WDR45B: variants seen among roughly 807,000 people sequenced by gnomAD.
WDR45B encodes WD repeat domain 45B.
In WDR45B, 20 loss-of-function variants were observed where a neutral mutation model predicts 44.6. The ratio of observed to expected loss-of-function variants is 0.45; its 90% confidence interval spans 0.32 to 0.65. WDR45B has a LOEUF of 0.65. Ranked by LOEUF, WDR45B falls within the 30% of genes least tolerant of loss-of-function variation. WDR45B has a pLI of 0.05. For synonymous variants in WDR45B, 169 were observed against 164.9 expected (o/e 1.02, Z -0.19); for missense variants, 323 against 430.2 (o/e 0.75, Z 2.20).
chr17:82,647,027 G>A (rs1297793872), intron 1 of WDR45B, among the ~76,000 whole-genome samples: 3 of 152,094 alleles, frequency 2.0e-5, no homozygotes, highest in Non-Finnish European at 4.4e-5. Context: ...AGGTCAGATT[G>A]AGACCAGCCT....
intron 2 of WDR45B, among the ~76,000 whole-genome samples, chr17:82,640,462 T>C (rs920151140): frequency 3.9e-5 from 6 of 151,994 alleles, no homozygotes; most frequent in Admixed American, 3.9e-4. Flanking sequence ...GCAATTCTCC[T>C]GCCTCAGCCT....
chr17:82,627,161 A>G (rs1221463038), intron 4 of WDR45B, 43 bp downstream of exon 4: 2 of 1,456,050 alleles, frequency 1.4e-6, no homozygotes, highest in Non-Finnish European at 1.9e-6. Flanking sequence ...ATCTTTTGAG[A>G]AAGTGAAATA....
intron 5 of WDR45B, among the ~76,000 whole-genome samples, chr17:82,624,551 C>T (rs1182010830): frequency 3.9e-5 from 6 of 151,958 alleles, no homozygotes; most frequent in South Asian, 2.1e-4. Flanking sequence ...TGAGCCACTG[C>T]GCCCGGCCGA....
chr17:82,625,100 C>T (rs1388942574), intron 5 of WDR45B, among the ~76,000 whole-genome samples: 3 of 152,108 alleles, frequency 2.0e-5, no homozygotes, highest in East Asian at 1.9e-4. Flanking sequence ...CAGTGGCTCC[C>T]GAAGTGGTGA....
At chr17:82,629,574 C>G in intron 3 of WDR45B, 1 of 985,510 alleles carries the variant, frequency 1.0e-6, no homozygotes, top group Non-Finnish European at 1.2e-6. Flanking sequence ...ATCTCAAGCC[C>G]TGTCTTCCAC....
intron 1 of WDR45B, chr17:82,644,324 C>G: frequency 2.2e-6 from 1 of 445,834 alleles, no homozygotes; most frequent in South Asian, 2.1e-5. Flanking sequence ...CAGTGACAAA[C>G]GTGAAGGACA....
intron 2 of WDR45B, among the ~76,000 whole-genome samples, chr17:82,635,897 G>A (rs548835177): frequency 1.3e-5 from 2 of 151,782 alleles, no homozygotes; most frequent in Admixed American, 6.5e-5. Flanking sequence ...AGACCAGCGC[G>A]ACCAACATGG....
chr17:82,615,988 G>T lies in WDR45B; in HGVS notation c.966C>A (p.Phe322Leu), dbSNP rs1313738080. 1 of 1,613,834 alleles carries T rather than the reference G, an allele frequency of 6.2e-7. No individual in the cohort carries two copies. Among genetic ancestry groups the T allele is most frequent in the Non-Finnish European group, 8.5e-7 (1 of 1,180,008 alleles). The change falls in exon 10 of 10, where the codon TTC (phenylalanine) becomes TTA (leucine). Residue 322 changes from phenylalanine to leucine, a missense_variant. Transcript: ENST00000392325. ...CTCGGATGCACTCCCCCTTGGGGTT[G>T]AACAGGAATTTGTAGTAGCTGCCGT... ...CADGSYYKFL[F>L]NPKGECIRDV...
intron 2 of WDR45B, among the ~76,000 whole-genome samples, chr17:82,641,713 A>G (rs529409228): frequency 8.5e-5 from 13 of 152,254 alleles, no homozygotes; most frequent in South Asian, 6.2e-4. Context: ...TGGCTAACAC[A>G]GTGAAACACC....
intron 6 of WDR45B, 120 bp downstream of exon 6, chr17:82,621,489 T>C (rs2045615982): frequency 1.5e-6 from 2 of 1,344,816 alleles, no homozygotes; most frequent in Non-Finnish European, 2.1e-6. Flanking sequence ...CACAGGCCCC[T>C]GAGGGGCTCC....
chr17:82,636,257 T>C (rs2045831145), intron 2 of WDR45B, among the ~76,000 whole-genome samples: 1 of 67,694 alleles, frequency 1.5e-5, no homozygotes, highest in African/African-American at 7.6e-5. Context: ...CAAGACTCCG[T>C]CTCAAAAAAA....
At chr17:82,616,687 GA>G (rs753008508) in intron 8 of WDR45B, 42 bp from the exon 9 acceptor site, 30 of 1,610,498 alleles carry the variant, frequency 1.9e-5, no homozygotes, top group Non-Finnish European at 2.3e-5. Flanking sequence ...AAGTTTACAG[GA>G]AAAAAAATCA....
At chr17:82,629,572 C>A in intron 3 of WDR45B, 1 of 985,494 alleles carries the variant, frequency 1.0e-6, no homozygotes, top group Non-Finnish European at 1.2e-6. Flanking sequence ...AGATCTCAAG[C>A]CCTGTCTTCC....
chr17:82,620,113 T>C (rs2045593585), intron 6 of WDR45B, among the ~76,000 whole-genome samples: 1 of 152,244 alleles, frequency 6.6e-6, no homozygotes, highest in Non-Finnish European at 1.5e-5. Flanking sequence ...ATCTATTTTG[T>C]TGCTAATATG....
rs2045528801 is a variant in WDR45B, at chr17:82,616,023, T to C, written c.931A>G (p.Ile311Val). 1.2e-6 allele frequency: 2 copies of C among 1,613,542 alleles called. No individual in the cohort carries two copies. The highest frequency in any genetic ancestry group is 1.7e-5 in the Admixed American group (1 of 59,956). ...TTGTAGTAGCTGCCGTCTGCACAAA[T>C]TGCTGGGATAGAAGGAGACCATTTT... ...FGTEPNAVIA[I>V]CADGSYYKFL... is the part of the protein sequence containing the mutation. Residue 311 changes from isoleucine (I) to valine (V), a missense_variant and splice_region_variant, in exon 10 of 10, where the codon ATT becomes GTT. Ile to Val is a conservative substitution (Grantham distance 29, BLOSUM62 3). Transcript: ENST00000392325.
Position 82,614,817 on chromosome 17 carries a change from C to T in WDR45B, c.*1102G>A, listed in dbSNP as rs1161684700. 1 of 152,064 alleles carries T rather than the reference C, an allele frequency of 6.6e-6. No individual in the cohort carries two copies. Among genetic ancestry groups the T allele is most frequent in the African/African-American group, 2.4e-5 (1 of 41,392 alleles). The allele number at this position is 152,064 out of a possible 1,614,324, so 9.4% of individuals were successfully genotyped here. Reference sequence around the variant, plus strand: ...ATCAAAACCATAAAATAGAGTTTAACGGGAATTTAAGAAAATTAAATATAT... The same window carrying T: ...ATCAAAACCATAAAATAGAGTTTAATGGGAATTTAAGAAAATTAAATATAT... On this transcript the variant is annotated 3_prime_UTR_variant, in exon 10 of 10. Transcript: ENST00000392325.
intron 2 of WDR45B, among the ~76,000 whole-genome samples, chr17:82,632,625 A>G (rs997380860): frequency 3.9e-5 from 6 of 152,156 alleles, no homozygotes; most frequent in African/African-American, 1.4e-4. Context: ...ACTCAGGAGG[A>G]CCATCCACCC....
intron 2 of WDR45B, among the ~76,000 whole-genome samples, chr17:82,637,110 G>C (rs1011437503): frequency 6.6e-6 from 1 of 152,104 alleles, no homozygotes; most frequent in South Asian, 2.1e-4. Flanking sequence ...ACTTTTGCCT[G>C]AGTGCTGGTT....
intron 6 of WDR45B, among the ~76,000 whole-genome samples, chr17:82,621,121 T>G (rs1417766198): frequency 6.6e-6 from 1 of 151,124 alleles, no homozygotes; most frequent in African/African-American, 2.4e-5. Flanking sequence ...TGGCATGATC[T>G]CAGCTCACTG....
Sources: gnomAD v4.1 joint callset for allele counts (sites outside exome capture counted in the v4.1 genomes callset) on GRCh38, gnomAD v4.1.1 for gene constraint, MANE v1.5 for transcripts, NCBI Gene and HGNC (gene_info 2026-07-23, HGNC 2026-07-21) for gene names.